Variants in RBM19 observed in about 807,000 individuals in gnomAD.
The protein encoded by RBM19 is probable RNA-binding protein 19.
A neutral mutation model predicts 116.8 loss-of-function variants in RBM19; 94 were observed. That is an observed-to-expected ratio of 0.80 (90% confidence interval 0.68 to 0.95). The LOEUF is 0.95. Among genes scored for constraint, RBM19 ranks in the 40% least tolerant of loss-of-function variants. The pLI, the probability that RBM19 is intolerant of heterozygous loss-of-function variation, is 0.00. For synonymous variants in RBM19, 475 were observed against 494.1 expected, an observed-to-expected ratio of 0.96 and a Z score of 0.51; for missense variants, 1,161 against 1,220.7, an observed-to-expected ratio of 0.95 and a Z score of 0.73.
At chr12:113,926,830 GC>G (rs1277813694) in intron 17 of RBM19, among the ~76,000 whole-genome samples, 1 of 152,012 alleles carries the variant, frequency 6.6e-6, no homozygotes, top group African/African-American at 2.4e-5. Flanking sequence ...GTATGTGGTA[GC>G]CCCTATCAGG....
chr12:113,865,367 C>T (rs538980129), intron 21 of RBM19, among the ~76,000 whole-genome samples: 26 of 152,328 alleles, frequency 1.7e-4, no homozygotes, highest in African/African-American at 4.1e-4. Context: ...TCCTATCTAA[C>T]GTTGCCTCCT....
At chr12:113,847,331 T>C (rs1191937928) in intron 22 of RBM19, among the ~76,000 whole-genome samples, 1 of 152,142 alleles carries the variant, frequency 6.6e-6, no homozygotes, top group Non-Finnish European at 1.5e-5. Flanking sequence ...GCAGAAAATT[T>C]TTTCTTTCCT....
chr12:113,870,014 G>A (rs1468938007), intron 21 of RBM19, among the ~76,000 whole-genome samples: 1 of 152,176 alleles, frequency 6.6e-6, no homozygotes, highest in East Asian at 1.9e-4. Flanking sequence ...AGAAACCTCT[G>A]GTACTGGATT....
At position 113,957,838 on chromosome 12, in the gene RBM19, C is replaced by G; in HGVS notation, c.784G>C (p.Gly262Arg). 1 of 1,613,754 alleles carries G rather than the reference C, an allele frequency of 6.2e-7. No individual in the cohort carries two copies. The highest frequency in any genetic ancestry group is 8.5e-7 in the Non-Finnish European group (1 of 1,179,788). ...CCAGCTGGCATCCCTTGCTCTTGGC[C>G]TGCACCCTTGCTGTCTCTTTCCTGC... Reference protein sequence around the residue: ...VLQERDSKGAGQEQGMPAGKK... With the variant: ...VLQERDSKGARQEQGMPAGKK... The change falls in exon 6 of 24, where the codon GGC becomes CGC. Residue 262 changes from glycine to arginine, a missense_variant. By Grantham distance (125) the Gly-to-Arg change is moderately radical. Coordinates refer to ENST00000261741, the MANE Select transcript of RBM19 (RefSeq NM_016196.4).
chr12:113,944,081 C>A (rs1224060445), intron 13 of RBM19, among the ~76,000 whole-genome samples: 3 of 126,462 alleles, frequency 2.4e-5, no homozygotes, highest in Non-Finnish European at 4.9e-5. Flanking sequence ...CTGCCTCTAA[C>A]TCCAGATGCA....
intron 21 of RBM19, among the ~76,000 whole-genome samples, chr12:113,869,717 AG>A (rs1376577349): frequency 6.6e-6 from 1 of 152,116 alleles, no homozygotes; most frequent in Non-Finnish European, 1.5e-5. Flanking sequence ...AAAATTAAAG[AG>A]GAAAAAAAAA....
chr12:113,929,033 C>A (rs1165912940), intron 16 of RBM19, among the ~76,000 whole-genome samples: 3 of 152,192 alleles, frequency 2.0e-5, no homozygotes, highest in Non-Finnish European at 4.4e-5. Context: ...AAGAGTTAAA[C>A]CCTGCACCCC....
intron 23 of RBM19, among the ~76,000 whole-genome samples, chr12:113,829,160 A>G (rs1367851115): frequency 6.6e-6 from 1 of 152,140 alleles, no homozygotes; most frequent in East Asian, 1.9e-4. Flanking sequence ...ACCAGGCCCA[A>G]CTAATTTTTG....
chr12:113,858,962 G>C, intron 21 of RBM19, 66 bp from the exon 22 acceptor site: 1 of 1,411,230 alleles, frequency 7.1e-7, no homozygotes, highest in Non-Finnish European at 1.0e-6. Context: ...CGGGAAGGCA[G>C]GACTGATTCT....
intron 21 of RBM19, among the ~76,000 whole-genome samples, chr12:113,879,852 T>G (rs2135786074): frequency 6.6e-6 from 1 of 152,128 alleles, no homozygotes; most frequent in Admixed American, 6.5e-5. Context: ...TTTTCCCAGA[T>G]GCCCAATGGA....
chr12:113,886,645 G>A lies in RBM19; in HGVS notation c.2559-27749C>T, dbSNP rs368514940. ...TTTCTCAGTAGTTTGGACCTAACAG[G>A]CACTTTTCACAATGCGGTTTTGTTT... On this transcript the variant is annotated intron_variant, in intron 21 of 23. Transcript: ENST00000261741. Among the ~76,000 whole-genome samples, 11 of 152,270 alleles carry A rather than the reference G, an allele frequency of 7.2e-5. No individual in the cohort carries two copies. In the South Asian group the frequency reaches 1.2e-3, roughly 17 times the overall value.
chr12:113,847,796 G>A (rs1022176546), intron 22 of RBM19, among the ~76,000 whole-genome samples: 1 of 152,134 alleles, frequency 6.6e-6, no homozygotes, highest in Non-Finnish European at 1.5e-5. Context: ...CTCTATTCCC[G>A]TACCACAGAA....
intron 16 of RBM19, among the ~76,000 whole-genome samples, chr12:113,936,060 AC>A (rs1216068822): frequency 6.6e-6 from 1 of 151,250 alleles, no homozygotes; most frequent in Non-Finnish European, 1.5e-5. Flanking sequence ...AACAAAAAAA[AC>A]AACTCTTAAA....
At chr12:113,869,453 A>G (rs1347785719) in intron 21 of RBM19, among the ~76,000 whole-genome samples, 3 of 152,214 alleles carry the variant, frequency 2.0e-5, no homozygotes, top group African/African-American at 7.2e-5. Flanking sequence ...GGGGTACTGC[A>G]TTCTGGTCAG....
chr12:113,932,286 G>A (rs1869674157), intron 16 of RBM19, among the ~76,000 whole-genome samples: 1 of 152,232 alleles, frequency 6.6e-6, no homozygotes, highest in Non-Finnish European at 1.5e-5. Context: ...TGAATGCAGA[G>A]CAGGCTGCAA....
chr12:113,939,453 G>C (rs943262990), intron 15 of RBM19, among the ~76,000 whole-genome samples: 18 of 152,284 alleles, frequency 1.2e-4, no homozygotes, highest in African/African-American at 3.9e-4. Context: ...GGATGGTTCA[G>C]AACTCCCTTC....
In RBM19 at chr12:113,957,970, C is replaced by G. The variant is rs775860918; in HGVS notation, c.652G>C (p.Ala218Pro). Residue 218 changes from alanine (A) to proline (P), a missense_variant, in exon 6 of 24, where the codon GCT (alanine) becomes CCT (proline). Ala to Pro is a conservative substitution (Grantham distance 27). Coordinates refer to ENST00000261741, the MANE Select transcript of RBM19 (RefSeq NM_016196.4). ...TCCTCCGAGGAAGAGGACGACCCAG[C>G]CTTCACCATCTTGGATTTCAGGTAA... ...MDYLKSKMVK[A>P]GSSSSSEEEE... 84 of 1,614,102 alleles carry G rather than the reference C, an allele frequency of 5.2e-5. No homozygotes were observed. Among genetic ancestry groups the G allele is most frequent in the South Asian group, 3.2e-4 (29 of 91,092 alleles).
chr12:113,939,412 T>G (rs1311025345), intron 15 of RBM19, among the ~76,000 whole-genome samples: 1 of 151,862 alleles, frequency 6.6e-6, no homozygotes, highest in Non-Finnish European at 1.5e-5. Flanking sequence ...AAAGCTAGAG[T>G]CAGGCAAGGA....
At chr12:113,910,327 T>C (rs1882349205) in intron 21 of RBM19, among the ~76,000 whole-genome samples, 2 of 152,210 alleles carry the variant, frequency 1.3e-5, no homozygotes, top group Admixed American at 6.5e-5. Context: ...CAATGGCCAC[T>C]ACACCCAGGC....
Sources: allele counts gnomAD v4.1 joint callset (sites outside exome capture counted in the v4.1 genomes callset), GRCh38; gene constraint gnomAD v4.1.1; transcripts MANE v1.5; gene names NCBI Gene and HGNC (gene_info 2026-07-23, HGNC 2026-07-21).